HECW2: variants seen among roughly 807,000 people sequenced by gnomAD.
HECW2 encodes E3 ubiquitin-protein ligase HECW2.
HECW2 carries 61 observed loss-of-function variants against 175.2 expected under a neutral mutation model. The observed-to-expected ratio is 0.35, with a 90% CI of 0.28 to 0.43. The LOEUF (loss-of-function observed/expected upper bound fraction) is 0.43, where lower values mean the gene tolerates loss of function less well. Among genes scored for constraint, HECW2 ranks in the 20% least tolerant of loss-of-function variants. HECW2 has a pLI of 1.00. For missense variants in HECW2, 1,524 were observed against 2,000.5 expected, an observed-to-expected ratio of 0.76 and a Z score of 4.54; for synonymous variants, 671 against 731.0, an observed-to-expected ratio of 0.92 and a Z score of 1.32.
At chr2:196,383,981 G>A (rs1159196266) in intron 2 of HECW2, among the ~76,000 whole-genome samples, 1 of 152,146 alleles carries the variant, frequency 6.6e-6, no homozygotes, top group Non-Finnish European at 1.5e-5. Flanking sequence ...AATGGGAATT[G>A]TACAACCTCA....
intron 1 of HECW2, among the ~76,000 whole-genome samples, chr2:196,498,025 T>G (rs770197321): frequency 4.6e-5 from 7 of 152,250 alleles, no homozygotes; most frequent in African/African-American, 1.2e-4. Flanking sequence ...GTATACTCAT[T>G]AAATAAATCC....
intron 1 of HECW2, among the ~76,000 whole-genome samples, chr2:196,515,009 T>C (rs983635006): frequency 6.6e-6 from 1 of 152,178 alleles, no homozygotes; most frequent in African/African-American, 2.4e-5. Context: ...ACCTAGGGAC[T>C]CCCCAAGCCA....
intron 28 of HECW2, 33 bp downstream of exon 28, chr2:196,215,832 G>T: frequency 7.1e-7 from 1 of 1,412,766 alleles, no homozygotes; most frequent in South Asian, 1.2e-5. Flanking sequence ...ACCAAATGTT[G>T]TGACAGTAAA....
rs559233962 is a variant in HECW2 at position 196,573,551 on chromosome 2, T to TCA, written c.-36+19955_-36+19956dup. ...AAAAAGGCCCTAACCCAGAAAATTA[T>TCA]CACTATATGACCTGGCAGTTAGCTG... On this transcript the variant is annotated intron_variant, in intron 1 of 28. Transcript: ENST00000644978. Among the ~76,000 whole-genome samples, 99 of 152,108 alleles carry TCA rather than the reference T, an allele frequency of 6.5e-4. 2 individuals carry two copies. The highest frequency in any genetic ancestry group is 2.0e-3 in the African/African-American group (81 of 41,504).
intron 5 of HECW2, 130 bp from the exon 6 acceptor site, chr2:196,325,279 C>A: frequency 1.8e-6 from 1 of 543,930 alleles, no homozygotes; most frequent in Non-Finnish European, 3.0e-6. Context: ...GAACAAGCAG[C>A]TCAAAGATAA....
chr2:196,484,285 C>A (rs1417696034), intron 1 of HECW2, among the ~76,000 whole-genome samples: 1 of 152,216 alleles, frequency 6.6e-6, no homozygotes, highest in South Asian at 2.1e-4. Context: ...ATTGATTCCA[C>A]TCAGCTCAGT....
chr2:196,499,543 C>T (rs547632890), intron 1 of HECW2, among the ~76,000 whole-genome samples: 114 of 152,224 alleles, frequency 7.5e-4, no homozygotes, highest in African/African-American at 2.7e-3. Flanking sequence ...AGGAAATAAG[C>T]TATTTAGATG....
chr2:196,227,934 C>T (rs1687913556), intron 22 of HECW2, among the ~76,000 whole-genome samples, 168 bp downstream of exon 22: 1 of 152,054 alleles, frequency 6.6e-6, no homozygotes, highest in African/African-American at 2.4e-5. Context: ...TGGAGACTGC[C>T]TATATATTTA....
chr2:196,479,813 C>T (rs1686782989), intron 1 of HECW2, among the ~76,000 whole-genome samples: 2 of 152,160 alleles, frequency 1.3e-5, no homozygotes, highest in African/African-American at 4.8e-5. Context: ...CCCTGATTTT[C>T]TACTCCTGTT....
chr2:196,219,060 T>G (rs975176486), intron 26 of HECW2, among the ~76,000 whole-genome samples: 1 of 152,184 alleles, frequency 6.6e-6, no homozygotes, highest in Non-Finnish European at 1.5e-5. Context: ...AAAACTACCT[T>G]TTTTAAAAAA....
intron 1 of HECW2, among the ~76,000 whole-genome samples, chr2:196,501,418 T>C (rs1687574449): frequency 6.6e-6 from 1 of 152,128 alleles, no homozygotes; most frequent in Admixed American, 6.5e-5. Context: ...CGTGGGAGTC[T>C]CTATAAAAAT....
chr2:196,338,004 C>T (rs369186715), intron 3 of HECW2, among the ~76,000 whole-genome samples: 4 of 152,046 alleles, frequency 2.6e-5, no homozygotes, highest in South Asian at 4.2e-4. Flanking sequence ...ACAGAAAAGC[C>T]CCATTATTTT....
At chr2:196,263,442 A>C (rs952460307) in intron 17 of HECW2, 2 of 152,202 alleles carry the variant, frequency 1.3e-5, no homozygotes, top group African/African-American at 2.4e-5. Context: ...CAAAACCACA[A>C]AACTCTGGAT....
intron 2 of HECW2, among the ~76,000 whole-genome samples, chr2:196,368,651 T>C (rs1693821529): frequency 6.6e-6 from 1 of 152,172 alleles, no homozygotes; most frequent in South Asian, 2.1e-4. Context: ...CTTGTAGGCA[T>C]GCTTCATTCT....
rs934778638 is a variant in HECW2 at position 196,320,548 on chromosome 2, A to G, written c.885-109T>C. 4.9e-6 allele frequency: 3 copies of G among 617,152 alleles called. No individual in the cohort carries two copies. In the African/African-American group the frequency reaches 5.5e-5, roughly 11 times the overall value. 38.2% of individuals were successfully genotyped at this position (617,152 alleles called of 1,614,324 possible). A position where few individuals can be genotyped will look rare whatever the true frequency, so the allele number is the denominator to read the frequency against. ...CTCCTATCTCTCTTAAAACTTTCAG[A>G]CTCACAAGAACATTAAAGGCTCAAA... is the stretch of plus-strand genomic sequence containing the variant. On this transcript the variant is annotated intron_variant, in intron 7 of 28. Coordinates refer to ENST00000644978, the MANE Select transcript of HECW2 (RefSeq NM_001348768.2).
chr2:196,329,486 T>C (rs942934299), intron 5 of HECW2, 89 bp downstream of exon 5: 98 of 1,016,188 alleles, frequency 9.6e-5, no homozygotes, highest in Non-Finnish European at 1.4e-4. Flanking sequence ...CATCATATCA[T>C]ATACGAAAGT....
At chr2:196,370,715 T>C (rs1161955295) in intron 2 of HECW2, among the ~76,000 whole-genome samples, 4 of 152,136 alleles carry the variant, frequency 2.6e-5, no homozygotes, top group Non-Finnish European at 5.9e-5. Context: ...CTAGAATGAG[T>C]GATTCCCCTC....
At chr2:196,362,161 G>A in intron 2 of HECW2, 1 of 985,410 alleles carries the variant, frequency 1.0e-6, no homozygotes, top group Non-Finnish European at 1.2e-6. Context: ...ACTTATCACT[G>A]TCCAGGCATC....
chr2:196,258,856 T>C (rs1689171151), intron 17 of HECW2, among the ~76,000 whole-genome samples: 1 of 152,248 alleles, frequency 6.6e-6, no homozygotes, highest in African/African-American at 2.4e-5. Context: ...CAATATATTC[T>C]GATTCCTATA....
Sources: allele counts gnomAD v4.1 joint callset (sites outside exome capture counted in the v4.1 genomes callset), GRCh38; gene constraint gnomAD v4.1.1; transcripts MANE v1.5; gene names NCBI Gene and HGNC (gene_info 2026-07-23, HGNC 2026-07-21).